PREX1: variants seen among roughly 807,000 people sequenced by gnomAD.
PREX1 encodes phosphatidylinositol 3,4,5-trisphosphate-dependent Rac exchanger 1 protein.
A neutral mutation model predicts 198.3 loss-of-function variants in PREX1; 41 were observed. That is an observed-to-expected ratio of 0.21 (90% CI 0.16 to 0.27). The LOEUF is 0.27. PREX1 is among the 10% of genes least tolerant of loss of function. The pLI, the probability that PREX1 is intolerant of heterozygous loss-of-function variation, is 1.00. For missense variants in PREX1, 1,620 were observed against 2,200.7 expected, an observed-to-expected ratio of 0.74 and a Z score of 5.28; for synonymous variants, 843 against 887.2, an observed-to-expected ratio of 0.95 and a Z score of 0.89.
chr20:48,803,514 G>C (rs1005923591), intron 1 of PREX1, among the ~76,000 whole-genome samples: 15 of 152,128 alleles, frequency 9.9e-5, no homozygotes, highest in African/African-American at 2.9e-4. Context: ...GGTATGTACA[G>C]GGAGAGGGAG....
chr20:48,688,813 G>A lies in PREX1; in HGVS notation c.1187-9C>T, dbSNP rs764669212. On this transcript the variant is annotated splice_polypyrimidine_tract_variant and intron_variant, in intron 9 of 39. Transcript: ENST00000371941. ...CATGCCCAGCTTCAGGCCTACACAG[G>A]GGCACGGTCAGCACTGGAGAGAGCA... 111 of 1,613,892 alleles carry A rather than the reference G, an allele frequency of 6.9e-5. 1 individual carries two copies. The South Asian group carries it at 1.2e-3, about 17-fold the overall frequency.
intron 27 of PREX1, among the ~76,000 whole-genome samples, chr20:48,642,940 CTTCT>C (rs1273542159): frequency 6.6e-6 from 1 of 152,178 alleles, no homozygotes; most frequent in Non-Finnish European, 1.5e-5. Context: ...TTTACTTGAG[CTTCT>C]TTTTCTTCTG....
the PREX1 span, among the ~76,000 whole-genome samples, chr20:48,871,674 C>T: frequency 4.6e-4 from 39 of 85,362 alleles, no homozygotes; most frequent in African/African-American, 1.8e-3. Flanking sequence ...CAACCTCCTG[C>T]AAGCTGTATG....
chr20:48,662,628 T>G (rs1434526453), intron 15 of PREX1, among the ~76,000 whole-genome samples: 2 of 152,214 alleles, frequency 1.3e-5, no homozygotes, highest in African/African-American at 2.4e-5. Context: ...AATACCTTAG[T>G]GTCTGCAGGC....
At position 48,660,033 on chromosome 20, in the gene PREX1, C is replaced by A; in HGVS notation, c.1767G>T (p.Glu589Asp). 1 of 1,614,222 alleles carries A rather than the reference C, an allele frequency of 6.2e-7. No homozygotes were observed. The highest frequency in any genetic ancestry group is 8.5e-7 in the Non-Finnish European group (1 of 1,180,042). Residue 589 changes from glutamate (E) to aspartate (D), a missense_variant, in exon 16 of 40, where the codon GAG (glutamate) becomes GAT (aspartate). Transcript: ENST00000371941. ...CAGCATGAAAGCGGAAGTACTGGGACTCATCCCTGAACTCGCTCTTCTCCA... is the reference window on the plus strand; with the variant it reads ...CAGCATGAAAGCGGAAGTACTGGGAATCATCCCTGAACTCGCTCTTCTCCA... ...HVLEKSEFRD[E>D]SQYFRFHADE...
intron 4 of PREX1, among the ~76,000 whole-genome samples, chr20:48,728,338 A>G (rs2090018676): frequency 6.6e-6 from 1 of 152,240 alleles, no homozygotes; most frequent in South Asian, 2.1e-4. Context: ...CCGAAAGCCT[A>G]AGGAAATAAG....
chr20:48,670,075 A>G (rs2089665242), intron 14 of PREX1, among the ~76,000 whole-genome samples: 1 of 152,250 alleles, frequency 6.6e-6, no homozygotes. Flanking sequence ...ACAGAGGCAT[A>G]GACAGACTTG....
At chr20:48,774,089 T>C (rs2090249826) in intron 1 of PREX1, among the ~76,000 whole-genome samples, 1 of 152,222 alleles carries the variant, frequency 6.6e-6, no homozygotes, top group Non-Finnish European at 1.5e-5. Context: ...TGAAGGCCAC[T>C]TTTATTGAGA....
intron 7 of PREX1, among the ~76,000 whole-genome samples, chr20:48,697,300 G>A (rs1483184182): frequency 2.0e-5 from 3 of 152,014 alleles, no homozygotes; most frequent in Admixed American, 2.0e-4. Context: ...TAACAGGTAG[G>A]AAAAGACAGG....
chr20:48,626,244 G>T (rs1052629289), intron 39 of PREX1, among the ~76,000 whole-genome samples: 26 of 152,166 alleles, frequency 1.7e-4, no homozygotes, highest in Non-Finnish European at 3.4e-4. Flanking sequence ...ACAGCACTCT[G>T]CCCCTTACGC....
chr20:48,825,489 G>T (rs766633221), intron 1 of PREX1, among the ~76,000 whole-genome samples: 1 of 152,132 alleles, frequency 6.6e-6, no homozygotes, highest in African/African-American at 2.4e-5. Context: ...TGAAAGTAGA[G>T]AAATCTTTTT....
intron 4 of PREX1, among the ~76,000 whole-genome samples, chr20:48,727,063 T>C (rs2090013765): frequency 6.6e-6 from 1 of 152,224 alleles, no homozygotes; most frequent in African/African-American, 2.4e-5. Flanking sequence ...AACTATGCGC[T>C]GTTTATGGAG....
chr20:48,764,031 C>G (rs1263216613), intron 1 of PREX1, among the ~76,000 whole-genome samples: 1 of 152,340 alleles, frequency 6.6e-6, no homozygotes, highest in South Asian at 2.1e-4. Context: ...TCGGGGCCAT[C>G]AGAGTCCAGG....
Position 48,659,946 on chromosome 20 carries a change from C to T in PREX1, c.1854G>A (p.Val618=). Residue 618 remains valine, a synonymous_variant, in exon 16 of 40, where the codon GTG becomes GTA. Transcript: ENST00000371941. ...GCAGGCGCTTGGCCAGAATGTTCTC[C>T]ACCAGCTTGAAGTCGTTGCGAAGCT... ...NKQLRNDFKL[V]ENILAKRLLI... The T allele has an allele frequency of 6.2e-7, 1 of 1,614,240 alleles. No homozygotes were observed. The highest frequency in any genetic ancestry group is 8.5e-7 in the Non-Finnish European group (1 of 1,180,046).
chr20:48,763,830 G>A (rs185683995), intron 1 of PREX1, among the ~76,000 whole-genome samples: 8 of 152,338 alleles, frequency 5.3e-5, no homozygotes, highest in Admixed American at 4.6e-4. Context: ...TAGGAGTACA[G>A]ACACTGGCTG....
At chr20:48,771,642 TA>T (rs1448993596) in intron 1 of PREX1, among the ~76,000 whole-genome samples, 1 of 151,666 alleles carries the variant, frequency 6.6e-6, no homozygotes, top group Non-Finnish European at 1.5e-5. Context: ...CATCTCAAAA[TA>T]AAAAAAGGCA....
intron 3 of PREX1, among the ~76,000 whole-genome samples, chr20:48,741,602 T>A (rs1008515496): frequency 6.6e-6 from 1 of 152,122 alleles, no homozygotes; most frequent in African/African-American, 2.4e-5. Flanking sequence ...GTTTATATTC[T>A]AGGGAGAGAC....
chr20:48,763,292 T>C (rs761139905), intron 1 of PREX1, among the ~76,000 whole-genome samples: 3 of 152,246 alleles, frequency 2.0e-5, no homozygotes, highest in African/African-American at 7.2e-5. Context: ...GGGGCCTGCA[T>C]GGGCGTGTGG....
In PREX1 at chr20:48,827,765, G is replaced by C. The variant is rs2090516422; in HGVS notation, c.96C>G (p.Ser32=). Residue 32 remains serine, a synonymous_variant, in exon 1 of 40, where the codon TCC becomes TCG. Coordinates refer to ENST00000371941, the MANE Select transcript of PREX1 (RefSeq NM_020820.4). The surrounding 1 kb of genome is among the most constrained non-coding windows in gnomAD (Gnocchi z 4.1). Reference sequence around the variant, plus strand: ...GGGCGGCCGCGCACGGGCCGGGGCCGGAGCTGGGCGCCGCGGCGCCAGGGG... The same window carrying C: ...GGGCGGCCGCGCACGGGCCGGGGCCCGAGCTGGGCGCCGCGGCGCCAGGGG... The part of the protein sequence containing the change: ...PRAPGAAAPS[S]GPGPCAAARE... The C allele has an allele frequency of 2.5e-6, 3 of 1,186,140 alleles. No individual in the cohort carries two copies. Among genetic ancestry groups the C allele is most frequent in the Non-Finnish European group, 3.2e-6 (3 of 950,678 alleles). 73.5% of individuals were successfully genotyped at this position (1,186,140 alleles called of 1,614,324 possible).
Sources: allele counts gnomAD v4.1 joint callset (sites outside exome capture counted in the v4.1 genomes callset), GRCh38; gene constraint gnomAD v4.1.1; non-coding constraint Gnocchi (gnomAD v3.1); transcripts MANE v1.5; gene names NCBI Gene and HGNC (gene_info 2026-07-23, HGNC 2026-07-21).